The following EDA variants were observed in gnomAD, a reference collection of about 807,000 sequenced individuals.
EDA encodes ectodysplasin-A.
EDA carries 2 observed loss-of-function variants against 23.6 expected under a neutral mutation model. The observed-to-expected ratio is 0.08, with a 90% CI of 0.03 to 0.27. EDA has a LOEUF of 0.27. Among genes scored for constraint, EDA ranks in the 10% least tolerant of loss-of-function variants. The pLI, the probability that EDA is intolerant of heterozygous loss-of-function variation, is 1.00. For synonymous variants in EDA, 131 were observed against 132.0 expected (o/e 0.99, Z 0.05); for missense variants, 229 against 324.2 (o/e 0.71, Z 2.26).
At chrX:69,742,250 C>G (rs1158619650) in intron 1 of EDA, among the ~76,000 whole-genome samples, 2 of 111,359 alleles carry the variant, frequency 1.8e-5, no homozygotes, top group Non-Finnish European at 3.8e-5. Context: ...TTATGAAACA[C>G]AGGTTTGGGT....
At chrX:69,812,187 C>A (rs1275944840) in intron 1 of EDA, among the ~76,000 whole-genome samples, 2 of 111,985 alleles carry the variant, frequency 1.8e-5, no homozygotes, top group African/African-American at 6.5e-5. Flanking sequence ...CAGATTTATT[C>A]TTCTTAAATT....
intron 1 of EDA, among the ~76,000 whole-genome samples, chrX:69,656,219 T>G (rs1933315618): frequency 9.0e-6 from 1 of 111,118 alleles, no homozygotes; most frequent in South Asian, 3.8e-4. Flanking sequence ...TTTTGAGCCT[T>G]TCACAATGCT....
intron 1 of EDA, among the ~76,000 whole-genome samples, chrX:69,704,537 A>G (rs973211852): frequency 9.2e-6 from 1 of 108,738 alleles, no homozygotes; most frequent in Non-Finnish European, 1.9e-5. Flanking sequence ...GAAATGTCCC[A>G]TTATCACTTG....
intron 1 of EDA, among the ~76,000 whole-genome samples, chrX:69,638,715 G>A (rs1002455386): frequency 3.6e-5 from 4 of 111,653 alleles, no homozygotes; most frequent in African/African-American, 9.8e-5. Context: ...AGGTAAGATC[G>A]TAAGCTAAAT....
At chrX:69,851,157 T>TTGTGTGTGTGTGTGTG (rs57593985) in intron 1 of EDA, among the ~76,000 whole-genome samples, 8 of 101,897 alleles carry the variant, frequency 7.9e-5, no homozygotes, top group Non-Finnish European at 1.4e-4. Context: ...GATCAAGGGT[T>TTGTGTGTGTGTGTGTG]TGTGTGTGTG....
chrX:69,978,392 A>G (rs1202506697), intron 2 of EDA, among the ~76,000 whole-genome samples: 1 of 97,096 alleles, frequency 1.0e-5, no homozygotes, highest in African/African-American at 3.8e-5. Context: ...AATCCCAGCT[A>G]TTTGGGTGGC....
intron 1 of EDA, among the ~76,000 whole-genome samples, chrX:69,780,083 T>C (rs1389226311): frequency 9.3e-6 from 1 of 107,095 alleles, no homozygotes; most frequent in African/African-American, 3.4e-5. Flanking sequence ...TGTATATGTA[T>C]ATGTATACAG....
At position 69,717,571 on chromosome X, in the gene EDA, G is replaced by T. The variant is rs777702156; in HGVS notation, c.396+100867G>T. On this transcript the variant is annotated intron_variant, in intron 1 of 7. Transcript: ENST00000374552. Reference sequence around the variant, plus strand: ...GTCTTGCTCTGTCACCCAGGCTGGAGTGCAGTGGCACGATCTCAGCTCATT... The same window carrying T: ...GTCTTGCTCTGTCACCCAGGCTGGATTGCAGTGGCACGATCTCAGCTCATT... Among the ~76,000 whole-genome samples, 9 of 104,643 alleles carry T rather than the reference G, an allele frequency of 8.6e-5. No individual in the cohort carries two copies. The South Asian group carries it at 4.1e-3, about 48-fold the overall frequency. The allele number at this position is 104,643 out of a possible 115,157, so 90.9% of individuals were successfully genotyped here.
chrX:69,913,349 A>T (rs1221331151), intron 1 of EDA, among the ~76,000 whole-genome samples: 1 of 112,469 alleles, frequency 8.9e-6, no homozygotes, highest in Non-Finnish European at 1.9e-5. Context: ...CTGCTGCAGC[A>T]TCTATGTCAG....
intron 1 of EDA, among the ~76,000 whole-genome samples, chrX:69,695,711 A>G (rs2011316231): frequency 9.3e-6 from 1 of 107,831 alleles, no homozygotes; most frequent in Non-Finnish European, 1.9e-5. Context: ...TATGTTGGCC[A>G]GTCTGGTCTC....
intron 1 of EDA, among the ~76,000 whole-genome samples, chrX:69,944,724 A>G (rs1385278319): frequency 9.0e-6 from 1 of 111,707 alleles, no homozygotes; most frequent in Admixed American, 9.5e-5. Context: ...CTGTCTCCAA[A>G]CCCAGCACAG....
At chrX:69,689,119 T>G (rs775810569) in intron 1 of EDA, among the ~76,000 whole-genome samples, 2 of 111,903 alleles carry the variant, frequency 1.8e-5, no homozygotes, top group East Asian at 5.6e-4. Context: ...ATGTCTGTCC[T>G]TATGCCAGCA....
intron 1 of EDA, among the ~76,000 whole-genome samples, chrX:69,832,736 C>G (rs1486365672): frequency 1.8e-5 from 2 of 111,151 alleles, no homozygotes; most frequent in African/African-American, 6.5e-5. Flanking sequence ...TTGTAGTTCT[C>G]CTTGAAGAGG....
At chrX:69,997,522 A>G (rs191327292) in intron 2 of EDA, among the ~76,000 whole-genome samples, 123 of 112,687 alleles carry the variant, frequency 1.1e-3, no homozygotes, top group African/African-American at 3.7e-3. Flanking sequence ...TGGGATAGAA[A>G]AGAAAATTCC....
intron 1 of EDA, among the ~76,000 whole-genome samples, chrX:69,791,366 A>G (rs997895588): frequency 2.7e-5 from 3 of 111,453 alleles, no homozygotes; most frequent in Admixed American, 9.5e-5. Context: ...GAACCACATT[A>G]TTATAATTTT....
chrX:69,832,004 G>A (rs1297768564), intron 1 of EDA, among the ~76,000 whole-genome samples: 1 of 111,394 alleles, frequency 9.0e-6, no homozygotes. Flanking sequence ...TCACTCTGAT[G>A]GTAGTTTCTT....
At chrX:69,721,974 A>T (rs4347130) in intron 1 of EDA, among the ~76,000 whole-genome samples, 3 of 110,889 alleles carry the variant, frequency 2.7e-5, no homozygotes, top group African/African-American at 6.5e-5. Context: ...CTTTCTTTTT[A>T]AAAAAAATCA....
chrX:69,902,776 G>A (rs976550821), intron 1 of EDA, among the ~76,000 whole-genome samples: 1 of 111,346 alleles, frequency 9.0e-6, no homozygotes, highest in Non-Finnish European at 1.9e-5. Flanking sequence ...CAGGATCTTG[G>A]AGTAAAATCC....
At chrX:69,763,883 T>C (rs1212245427) in intron 1 of EDA, among the ~76,000 whole-genome samples, 1 of 111,830 alleles carries the variant, frequency 8.9e-6, no homozygotes, top group Non-Finnish European at 1.9e-5. Flanking sequence ...CTTTAGACTT[T>C]CATTTCATTT....
Sources: gnomAD v4.1 joint callset for allele counts (sites outside exome capture counted in the v4.1 genomes callset) on GRCh38, gnomAD v4.1.1 for gene constraint, MANE v1.5 for transcripts, NCBI Gene and HGNC (gene_info 2026-07-23, HGNC 2026-07-21) for gene names.